The following CCDC85A variants were observed in gnomAD, a reference collection of about 807,000 sequenced individuals.
CCDC85A encodes the protein coiled-coil domain-containing protein 85A.
CCDC85A carries 38 observed loss-of-function variants against 50.2 expected under a neutral mutation model. That is an observed-to-expected ratio of 0.76 (90% CI 0.58 to 0.99). The LOEUF is 0.99. Ranked by LOEUF, CCDC85A falls within the 50% of genes least tolerant of loss-of-function variation. The pLI is 0.00. For missense variants in CCDC85A, 820 were observed against 742.0 expected, an observed-to-expected ratio of 1.11 and a Z score of -1.22; for synonymous variants, 366 against 301.4, an observed-to-expected ratio of 1.21 and a Z score of -2.22.
intron 2 of CCDC85A, among the ~76,000 whole-genome samples, chr2:56,325,064 C>G (rs1396788763): frequency 6.6e-6 from 1 of 151,892 alleles, no homozygotes; most frequent in Non-Finnish European, 1.5e-5. Context: ...TAAAGAAGCA[C>G]TCTTGAATTT....
chr2:56,342,656 CTG>C (rs1674430820), intron 2 of CCDC85A, among the ~76,000 whole-genome samples: 1 of 152,154 alleles, frequency 6.6e-6, no homozygotes, highest in African/African-American at 2.4e-5. Context: ...ATATGCCAGT[CTG>C]TGTCTTATCT....
intron 2 of CCDC85A, among the ~76,000 whole-genome samples, chr2:56,194,371 A>G (rs77317059): frequency 0.028 from 4,211 of 152,316 alleles, 201 homozygotes; most frequent in African/African-American, 0.095. Context: ...AATAAAAAAC[A>G]AAAAAACTCC....
chr2:56,356,331 C>G (rs1489048428), intron 3 of CCDC85A, among the ~76,000 whole-genome samples: 2 of 152,200 alleles, frequency 1.3e-5, no homozygotes, highest in African/African-American at 2.4e-5. Flanking sequence ...TTGGAACAAG[C>G]CCCGTTCACT....
At chr2:56,286,451 TC>T (rs1671448624) in intron 2 of CCDC85A, among the ~76,000 whole-genome samples, 1 of 152,148 alleles carries the variant, frequency 6.6e-6, no homozygotes, top group Non-Finnish European at 1.5e-5. Context: ...TTGGATAATT[TC>T]TATTGATTTG....
chr2:56,322,487 A>G (rs1043606747), intron 2 of CCDC85A, among the ~76,000 whole-genome samples: 21 of 152,226 alleles, frequency 1.4e-4, no homozygotes, highest in African/African-American at 5.1e-4. Context: ...GGTGATGGAT[A>G]TGAACAGACA....
At chr2:56,304,922 AC>A (rs1419153463) in intron 2 of CCDC85A, among the ~76,000 whole-genome samples, 11 of 146,612 alleles carry the variant, frequency 7.5e-5, no homozygotes, top group African/African-American at 2.3e-4. Flanking sequence ...CAAAAAACAA[AC>A]AAACAAACAA....
rs117514916 is a variant in CCDC85A at position 56,239,172 on chromosome 2, C to G, written c.1240+45732C>G. On this transcript the variant is annotated intron_variant, in intron 2 of 5. Coordinates refer to ENST00000407595, the MANE Select transcript of CCDC85A (RefSeq NM_001080433.2). ...ACATTTCAGTGTCATTTTAATCAGC[C>G]AGATGTGAGGGTCGTTATATGACTG... 3.3e-4 allele frequency among the ~76,000 whole-genome samples: 50 copies of G among 152,064 alleles called. 2 individuals carry two copies. The East Asian group carries it at 9.7e-3, about 29-fold the overall frequency.
At chr2:56,334,032 A>G (rs1336292925) in intron 2 of CCDC85A, among the ~76,000 whole-genome samples, 2 of 152,148 alleles carry the variant, frequency 1.3e-5, no homozygotes, top group Non-Finnish European at 2.9e-5. Context: ...ATCTTTGCAT[A>G]GTTGGCTTTT....
At chr2:56,206,490 GC>G (rs1242811413) in intron 2 of CCDC85A, among the ~76,000 whole-genome samples, 3 of 152,112 alleles carry the variant, frequency 2.0e-5, no homozygotes, top group Non-Finnish European at 4.4e-5. Context: ...GGGCCTTTGT[GC>G]TGCATCATCC....
chr2:56,372,476 C>G lies in CCDC85A; in HGVS notation c.1450C>G (p.Pro484Ala). 1 of 1,595,468 alleles carries G rather than the reference C, an allele frequency of 6.3e-7. No homozygotes were observed. Among genetic ancestry groups the G allele is most frequent in the Non-Finnish European group, 8.5e-7 (1 of 1,169,618 alleles). Residue 484 changes from proline to alanine, a missense_variant and splice_region_variant, in exon 4 of 6, where the codon CCG becomes GCG. Coordinates refer to ENST00000407595, the MANE Select transcript of CCDC85A (RefSeq NM_001080433.2). ...RGIGRCLPTL[P>A]GSFRLSSGAD... ...AATAGGACGATGCCTGCCTACTCTC[C>G]CGGTGAGTGAAGATGAGTCAGCTGG...
intron 2 of CCDC85A, among the ~76,000 whole-genome samples, chr2:56,264,839 A>C (rs572255027): frequency 6.6e-6 from 1 of 152,012 alleles, no homozygotes; most frequent in Non-Finnish European, 1.5e-5. Flanking sequence ...CCATCTTTGC[A>C]TTTCTCTTCT....
At chr2:56,355,131 G>A (rs1036532632) in intron 3 of CCDC85A, among the ~76,000 whole-genome samples, 1 of 152,170 alleles carries the variant, frequency 6.6e-6, no homozygotes, top group Non-Finnish European at 1.5e-5. Flanking sequence ...TTGACTGGCT[G>A]CCAGAGTCTG....
chr2:56,202,908 C>T (rs1295849249), intron 2 of CCDC85A, among the ~76,000 whole-genome samples: 1 of 152,148 alleles, frequency 6.6e-6, no homozygotes, highest in East Asian at 1.9e-4. Context: ...TTAGTCATAT[C>T]TGCGGATGAT....
intron 3 of CCDC85A, among the ~76,000 whole-genome samples, chr2:56,357,622 A>ATTGTAGGTCATG (rs1033402740): frequency 3.5e-5 from 5 of 142,052 alleles, no homozygotes; most frequent in African/African-American, 1.3e-4. Flanking sequence ...AAGAAGGGAC[A>ATTGTAGGTCATG]TTGTAGGTCA....
chr2:56,190,706 G>C (rs1558575108), intron 1 of CCDC85A, among the ~76,000 whole-genome samples: 1 of 152,088 alleles, frequency 6.6e-6, no homozygotes, highest in Non-Finnish European at 1.5e-5. Context: ...GTGATGAGGA[G>C]GGGTGTTCCC....
chr2:56,375,115 A>G (rs1676270831), intron 4 of CCDC85A, among the ~76,000 whole-genome samples: 1 of 152,202 alleles, frequency 6.6e-6, no homozygotes, highest in Admixed American at 6.5e-5. Context: ...CACCCTTTAG[A>G]AAAAGTACAG....
At chr2:56,322,810 T>C (rs1037503862) in intron 2 of CCDC85A, among the ~76,000 whole-genome samples, 1 of 152,054 alleles carries the variant, frequency 6.6e-6, no homozygotes, top group Admixed American at 6.6e-5. Flanking sequence ...ACCCAAAGGA[T>C]TATAAATCAT....
At position 56,192,871 on chromosome 2, in the gene CCDC85A, A is replaced by T. The variant is rs60028731; in HGVS notation, c.671A>T (p.His224Leu). The T allele has an allele frequency of 0.069, 111,608 of 1,613,028 alleles. 4,484 individuals are homozygous for T. Among genetic ancestry groups the T allele is most frequent in the East Asian group, 0.18 (7,867 of 44,834 alleles). ...SSTGSTDSPD[H>L]HKHHASSGSP... ...ACTGGCAGCACTGACAGCCCGGACC[A>T]CCACAAGCACCACGCGAGCAGTGGC... Residue 224 changes from histidine to leucine, a missense_variant, in exon 2 of 6, where the codon CAC becomes CTC. Transcript: ENST00000407595. The surrounding 1 kb of genome is among the most constrained non-coding windows in gnomAD (Gnocchi z 4.7).
intron 5 of CCDC85A, among the ~76,000 whole-genome samples, chr2:56,377,165 T>C (rs1280598823): frequency 6.6e-6 from 1 of 152,182 alleles, no homozygotes; most frequent in East Asian, 1.9e-4. Context: ...ATTTTCTGTC[T>C]TTGTTGGAAT....
Sources: allele counts gnomAD v4.1 joint callset (sites outside exome capture counted in the v4.1 genomes callset), GRCh38; gene constraint gnomAD v4.1.1; non-coding constraint Gnocchi (gnomAD v3.1); transcripts MANE v1.5; gene names NCBI Gene and HGNC (gene_info 2026-07-23, HGNC 2026-07-21).